GALNT5: variants seen among roughly 807,000 people sequenced by gnomAD.
The protein encoded by GALNT5 is UDP-GalNAc:polypeptide N-acetylgalactosaminyltransferase 5.
GALNT5 carries 72 observed loss-of-function variants against 85.4 expected under a neutral mutation model. The observed-to-expected ratio is 0.84, with a 90% CI of 0.70 to 1.03. GALNT5 has a LOEUF of 1.03. Among genes scored for constraint, GALNT5 ranks in the 50% least tolerant of loss-of-function variants. GALNT5 has a pLI of 0.00. For synonymous variants in GALNT5, 404 were observed against 397.0 expected (o/e 1.02, Z -0.21); for missense variants, 1,137 against 1,135.5 (o/e 1.00, Z -0.02).
At chr2:157,274,557 A>G (rs1489335673) in intron 1 of GALNT5, among the ~76,000 whole-genome samples, 2 of 152,078 alleles carry the variant, frequency 1.3e-5, no homozygotes, top group Non-Finnish European at 2.9e-5. Flanking sequence ...TGTGGTTTTG[A>G]TTTGCATTTC....
chr2:157,314,051 AT>A lies in GALNT5; in HGVS notation c.*2705del, dbSNP rs1468737753. The A allele has an allele frequency of 6.6e-6, 1 of 152,056 alleles. No homozygotes were observed. Among genetic ancestry groups the A allele is most frequent in the East Asian group, 1.9e-4 (1 of 5,176 alleles). 9.4% of individuals were successfully genotyped at this position (152,056 alleles called of 1,614,324 possible). The stretch of plus-strand genomic sequence containing the variant: ...ATAGCCTTCTAAATTTTTTCAGGAG[AT>A]TAGAATAAAGGTATACATGCTACTC... On this transcript the variant is annotated 3_prime_UTR_variant, in exon 10 of 10. Coordinates refer to ENST00000259056, the MANE Select transcript of GALNT5 (RefSeq NM_014568.3).
intron 2 of GALNT5, 127 bp from the exon 3 acceptor site, chr2:157,285,888 C>A: frequency 1.6e-6 from 1 of 624,298 alleles, no homozygotes. Flanking sequence ...AATTATGACC[C>A]AAGGAATAAA....
At chr2:157,288,927 A>G (rs2121345) in intron 3 of GALNT5, among the ~76,000 whole-genome samples, 124,184 of 152,090 alleles carry the variant, frequency 0.82, 52,029 homozygotes, top group South Asian at 0.92. Flanking sequence ...TGTGAAGAGA[A>G]TAAGAATGAC....
chr2:157,314,769 T>C lies in GALNT5; in HGVS notation c.*3421T>C, dbSNP rs1008330185. Among the ~76,000 whole-genome samples the C allele has an allele frequency of 2.0e-5, 3 of 152,102 alleles. No individual in the cohort carries two copies. Among genetic ancestry groups the C allele is most frequent in the African/African-American group, 7.2e-5 (3 of 41,438 alleles). On this transcript the variant is annotated 3_prime_UTR_variant, in exon 10 of 10. Coordinates refer to ENST00000259056, the MANE Select transcript of GALNT5 (RefSeq NM_014568.3). ...TTTAACATCTCTGATTGAATTCCTA[T>C]ATTCAGAATACAAGAAAAAAAATTT...
chr2:157,298,045 A>G (rs1207996948), intron 5 of GALNT5, among the ~76,000 whole-genome samples: 2 of 152,198 alleles, frequency 1.3e-5, no homozygotes, highest in Admixed American at 1.3e-4. Context: ...CAGATAACAT[A>G]TAAAGTGCTT....
chr2:157,268,669 A>G (rs1192911854), intron 1 of GALNT5, among the ~76,000 whole-genome samples: 1 of 152,204 alleles, frequency 6.6e-6, no homozygotes, highest in Non-Finnish European at 1.5e-5. Flanking sequence ...TCAAGTCCAG[A>G]GTCTTTCTGT....
chr2:157,278,134 A>G (rs1682777832), intron 1 of GALNT5, among the ~76,000 whole-genome samples: 1 of 152,206 alleles, frequency 6.6e-6, no homozygotes, highest in Non-Finnish European at 1.5e-5. Context: ...TTCTTTAAGA[A>G]TGTTGAATTT....
At chr2:157,289,273 T>C (rs1683042328) in intron 3 of GALNT5, among the ~76,000 whole-genome samples, 1 of 152,168 alleles carries the variant, frequency 6.6e-6, no homozygotes, top group South Asian at 2.1e-4. Flanking sequence ...GTGCTTGCAG[T>C]TAACATCCAT....
chr2:157,300,951 G>T lies in GALNT5; in HGVS notation c.2391G>T (p.Glu797Asp). ...LKCKSFKWYL[E>D]NVFPDLRAPI... ...GCAAAAGTTTCAAATGGTACTTGGA[G>T]AATGTCTTTCCTGACTTAAGGGCTC... Residue 797 changes from glutamate to aspartate, a missense_variant, in exon 7 of 10, where the codon GAG becomes GAT. Physicochemically the swap from Glu to Asp is conservative, Grantham distance 45. Coordinates refer to ENST00000259056, the MANE Select transcript of GALNT5 (RefSeq NM_014568.3). The T allele has an allele frequency of 6.2e-7, 1 of 1,614,116 alleles. No individual in the cohort carries two copies. The highest frequency in any genetic ancestry group is 1.1e-5 in the South Asian group (1 of 91,082).
At chr2:157,278,372 T>G (rs1321793936) in intron 1 of GALNT5, among the ~76,000 whole-genome samples, 1 of 152,192 alleles carries the variant, frequency 6.6e-6, no homozygotes, top group Non-Finnish European at 1.5e-5. Context: ...TTGGCTAGGT[T>G]GGGGACATTC....
rs774724578 is a variant in GALNT5 at position 157,311,294 on chromosome 2, T to A, written c.2769T>A (p.Cys923Ter). The change falls in exon 10 of 10, where the codon TGT becomes TGA. Residue 923 changes from cysteine (C) to a stop codon, truncating the protein, a stop_gained. Coordinates refer to ENST00000259056, the MANE Select transcript of GALNT5 (RefSeq NM_014568.3). LOFTEE classifies it high-confidence loss of function. ...AAAAGATCCTGAAAGTAGCTGCCTG[T>A]GACCCAGTGAAGCCATATCAAAAGT... The part of the protein sequence containing the change: ...FSQKILKVAA[C>*]DPVKPYQKWK... The A allele has an allele frequency of 1.2e-6, 2 of 1,611,368 alleles. No individual in the cohort carries two copies. Among genetic ancestry groups the A allele is most frequent in the Non-Finnish European group, 1.7e-6 (2 of 1,178,048 alleles).
rs766578683 is a variant in GALNT5, at chr2:157,313,716, A to T, written c.*2368A>T. On this transcript the variant is annotated 3_prime_UTR_variant, in exon 10 of 10. Coordinates refer to ENST00000259056, the MANE Select transcript of GALNT5 (RefSeq NM_014568.3). ...AATACACTTATCTTTGGGTATATCA[A>T]CTAAAGGAAGTTGGATTTTTTTCCT... 9 of 152,316 alleles carry T rather than the reference A, an allele frequency of 5.9e-5. No individual in the cohort carries two copies. The highest frequency in any genetic ancestry group is 1.2e-4 in the Non-Finnish European group (8 of 68,016). 9.4% of individuals were successfully genotyped at this position (152,316 alleles called of 1,614,324 possible).
Position 157,300,719 on chromosome 2 carries a change from G to C in GALNT5, c.2159G>C (p.Arg720Pro), listed in dbSNP as rs372133363. The change falls in exon 7 of 10, where the codon CGA (arginine) becomes CCA (proline). Residue 720 changes from arginine to proline, a missense_variant. Transcript: ENST00000259056. ...GGEIEIIPCS[R>P]VGHIFRNDNP... The stretch of plus-strand genomic sequence containing the variant: ...GAAATTGAGATCATTCCCTGCTCCC[G>C]AGTGGGCCATATATTCAGAAATGAC... 29 of 1,613,724 alleles carry C rather than the reference G, an allele frequency of 1.8e-5. No homozygotes were observed. The South Asian group carries it at 2.7e-4, about 15-fold the overall frequency.
chr2:157,314,152 G>T lies in GALNT5; in HGVS notation c.*2804G>T, dbSNP rs1361119289. 6.6e-6 allele frequency: 1 copy of T among 151,748 alleles called. No homozygotes were observed. The highest frequency in any genetic ancestry group is 2.4e-5 in the African/African-American group (1 of 41,244). 9.4% of individuals were successfully genotyped at this position (151,748 alleles called of 1,614,324 possible). On this transcript the variant is annotated 3_prime_UTR_variant, in exon 10 of 10. Transcript: ENST00000259056. ...TCAGCACTGAATTCTTCAATAGGAG[G>T]CTGTGTTACAGGAGCTACAGATTTT...
intron 1 of GALNT5, among the ~76,000 whole-genome samples, chr2:157,266,309 C>T (rs1478769763): frequency 6.6e-6 from 1 of 152,228 alleles, no homozygotes; most frequent in Non-Finnish European, 1.5e-5. Flanking sequence ...TCACAGCTCA[C>T]AAGTGCCAAT....
chr2:157,303,789 C>G (rs988603991), intron 7 of GALNT5, among the ~76,000 whole-genome samples: 1 of 152,150 alleles, frequency 6.6e-6, no homozygotes, highest in Non-Finnish European at 1.5e-5. Flanking sequence ...TCTTTCCTTC[C>G]AATGCTTTTC....
intron 7 of GALNT5, among the ~76,000 whole-genome samples, chr2:157,304,185 C>G (rs1683405219): frequency 6.6e-6 from 1 of 152,178 alleles, no homozygotes; most frequent in Non-Finnish European, 1.5e-5. Flanking sequence ...ACCTTCCTCT[C>G]TGAAGTTCAG....
chr2:157,276,835 A>G (rs1009841428), intron 1 of GALNT5, among the ~76,000 whole-genome samples: 5 of 151,786 alleles, frequency 3.3e-5, no homozygotes, highest in African/African-American at 1.2e-4. Context: ...TTCTGCTCTG[A>G]TCTTAGTTAT....
intron 3 of GALNT5, among the ~76,000 whole-genome samples, chr2:157,294,299 G>T (rs1468349982): frequency 1.3e-5 from 2 of 152,146 alleles, no homozygotes; most frequent in African/African-American, 4.8e-5. Flanking sequence ...TGATGGATCA[G>T]AGCAGAACAG....
Sources: gnomAD v4.1 joint callset for allele counts (sites outside exome capture counted in the v4.1 genomes callset) on GRCh38, gnomAD v4.1.1 for gene constraint, MANE v1.5 for transcripts, NCBI Gene and HGNC (gene_info 2026-07-23, HGNC 2026-07-21) for gene names.